Variants in AP1M1 observed in about 807,000 individuals in gnomAD.
AP1M1 encodes AP-1 complex subunit mu-1.
Under a neutral mutation model 57.1 loss-of-function variants are expected in AP1M1, and 18 were observed. That is an observed-to-expected ratio of 0.32 (90% CI 0.22 to 0.47). The LOEUF is 0.47. Among genes scored for constraint, AP1M1 ranks in the 20% least tolerant of loss-of-function variants. The pLI is 1.00. For missense variants in AP1M1, 362 were observed against 593.5 expected, an observed-to-expected ratio of 0.61 and a Z score of 4.05; for synonymous variants, 241 against 237.9, an observed-to-expected ratio of 1.01 and a Z score of -0.12.
At chr19:16,208,264 T>C in intron 4 of AP1M1, 115 bp downstream of exon 4, 2 of 1,196,490 alleles carry the variant, frequency 1.7e-6, no homozygotes, top group East Asian at 2.5e-5. Flanking sequence ...CCCACCTGCC[T>C]CCCACCTCCA....
At chr19:16,220,552 G>A (rs1240606795) in intron 5 of AP1M1, among the ~76,000 whole-genome samples, 1 of 152,176 alleles carries the variant, frequency 6.6e-6, no homozygotes, top group South Asian at 2.1e-4. Context: ...CACCACACCT[G>A]GGTAATTTTT....
intron 5 of AP1M1, among the ~76,000 whole-genome samples, chr19:16,218,148 C>T (rs1568351839): frequency 6.6e-6 from 1 of 152,246 alleles, no homozygotes; most frequent in Non-Finnish European, 1.5e-5. Context: ...TCTGAGCTGC[C>T]GCTCTGGGCG....
chr19:16,210,277 C>T (rs2091488264), intron 5 of AP1M1: 5 of 663,572 alleles, frequency 7.5e-6, no homozygotes, highest in East Asian at 5.5e-5. Context: ...GGTGGTTTTC[C>T]AATCTTTGGC....
At chr19:16,209,348 T>A in intron 5 of AP1M1, 171 bp downstream of exon 5, 1 of 695,100 alleles carries the variant, frequency 1.4e-6, no homozygotes. Flanking sequence ...CTTTTTTTTT[T>A]GAGACGGAAT....
intron 5 of AP1M1, among the ~76,000 whole-genome samples, chr19:16,223,789 TC>T (rs2145133506): frequency 6.6e-6 from 1 of 152,302 alleles, no homozygotes; most frequent in East Asian, 1.9e-4. Flanking sequence ...TCTTCAGTCT[TC>T]CGGCAGCTGC....
Position 16,244,649 on chromosome 19 carries a change from T to G in AP1M1, c.*10214T>G, listed in dbSNP as rs992529228. The G allele has an allele frequency of 6.6e-6, 1 of 151,738 alleles. No homozygotes were observed. Among genetic ancestry groups the G allele is most frequent in the Non-Finnish European group, 1.5e-5 (1 of 67,910 alleles). 9.4% of individuals were successfully genotyped at this position (151,738 alleles called of 1,614,324 possible). On this transcript the variant is annotated 3_prime_UTR_variant, in exon 12 of 12. Coordinates refer to ENST00000291439, the MANE Select transcript of AP1M1 (RefSeq NM_032493.4). The stretch of plus-strand genomic sequence containing the variant: ...ATCGAGACCATCCTGGCTAACACGG[T>G]GAAACCCCGTCTCTACTAAAAATAC...
intron 1 of AP1M1, 70 bp downstream of exon 1, chr19:16,198,138 C>T: frequency 1.9e-6 from 3 of 1,567,942 alleles, no homozygotes; most frequent in South Asian, 2.3e-5. Context: ...GGGACCCACC[C>T]TGTTGCTAGG....
Position 16,227,451 on chromosome 19 carries a change from G to A in AP1M1, c.674-97G>A. The A allele has an allele frequency of 7.1e-7, 1 of 1,413,792 alleles. No individual in the cohort carries two copies. Among genetic ancestry groups the A allele is most frequent in the Non-Finnish European group, 9.8e-7 (1 of 1,018,970 alleles). The allele number at this position is 1,413,792 out of a possible 1,614,324, so 87.6% of individuals were successfully genotyped here. A position where few individuals can be genotyped will look rare whatever the true frequency, so the allele number is the denominator to read the frequency against. ...GCTGCTCTCAGTGCGTGGACTGGGG[G>A]CCCTGCTCTGCCGGGGTGGGTTGCA... On this transcript the variant is annotated intron_variant, in intron 6 of 11. Coordinates refer to ENST00000291439, the MANE Select transcript of AP1M1 (RefSeq NM_032493.4). The surrounding 1 kb of genome is among the most constrained non-coding windows in gnomAD (Gnocchi z 6.2).
In AP1M1 at chr19:16,235,494, G is replaced by C. The variant is rs531064715; in HGVS notation, c.*1059G>C. ...GCTGAAACACAGGAAAAGCAGCTGC[G>C]GGAAGAGGCAGCTGCAGTGCTGGAC... On this transcript the variant is annotated 3_prime_UTR_variant, in exon 12 of 12. Coordinates refer to ENST00000291439, the MANE Select transcript of AP1M1 (RefSeq NM_032493.4). The C allele has an allele frequency of 6.6e-6, 1 of 152,184 alleles. No individual in the cohort carries two copies. The highest frequency in any genetic ancestry group is 2.4e-5 in the African/African-American group (1 of 41,436). 9.4% of individuals were successfully genotyped at this position (152,184 alleles called of 1,614,324 possible).
intron 9 of AP1M1, 115 bp from the exon 10 acceptor site, chr19:16,233,378 C>T (rs1361735318): frequency 1.0e-5 from 14 of 1,379,370 alleles, no homozygotes; most frequent in African/African-American, 5.8e-5. Context: ...GGCTCATGCT[C>T]CCCTCCCTGG....
chr19:16,223,241 C>T (rs1048920427), intron 5 of AP1M1, among the ~76,000 whole-genome samples: 3 of 152,168 alleles, frequency 2.0e-5, no homozygotes, highest in Non-Finnish European at 4.4e-5. Flanking sequence ...ATCTCCTGGG[C>T]GTGCACTGCC....
intron 1 of AP1M1, 41 bp downstream of exon 1, chr19:16,198,109 G>T (rs1209389100): frequency 1.3e-6 from 2 of 1,587,322 alleles, no homozygotes; most frequent in African/African-American, 1.4e-5. Context: ...CAGGCAACCG[G>T]CAGGGGCCTC....
chr19:16,238,197 C>T lies in AP1M1; in HGVS notation c.*3762C>T, dbSNP rs951677777. 2.0e-5 allele frequency: 3 copies of T among 152,204 alleles called. No homozygotes were observed. The highest frequency in any genetic ancestry group is 6.5e-5 in the Admixed American group (1 of 15,272). The allele number at this position is 152,204 out of a possible 1,614,324, so 9.4% of individuals were successfully genotyped here. On this transcript the variant is annotated 3_prime_UTR_variant, in exon 12 of 12. Transcript: ENST00000291439. ...TGACTGTGGGAAAGTTGAGAACATC[C>T]TCCCTGAAGTCATCTTTATGCCAGA...
intron 6 of AP1M1, chr19:16,226,754 C>A (rs928246679): frequency 7.7e-6 from 5 of 647,490 alleles, no homozygotes; most frequent in African/African-American, 7.3e-5. Flanking sequence ...ATCCTCCAGT[C>A]CAGCTGGGAG....
chr19:16,234,920 A>G lies in AP1M1; in HGVS notation c.*485A>G, dbSNP rs1242333017. Reference sequence around the variant, plus strand: ...TTGTGCATTCGTTGCTGTTTGTGTTACCCTCACTGTCCCCATGTCCCACCC... The same window carrying G: ...TTGTGCATTCGTTGCTGTTTGTGTTGCCCTCACTGTCCCCATGTCCCACCC... On this transcript the variant is annotated 3_prime_UTR_variant, in exon 12 of 12. Transcript: ENST00000291439. The G allele has an allele frequency of 5.7e-6, 1 of 176,688 alleles. No homozygotes were observed. Among genetic ancestry groups the G allele is most frequent in the Non-Finnish European group, 1.2e-5 (1 of 82,654 alleles). 10.9% of individuals were successfully genotyped at this position (176,688 alleles called of 1,614,324 possible).
intron 5 of AP1M1, among the ~76,000 whole-genome samples, chr19:16,224,678 G>A (rs567943952): frequency 1.1e-4 from 17 of 152,340 alleles, no homozygotes; most frequent in African/African-American, 3.6e-4. Context: ...GCCTGCTCTC[G>A]CGGCATTCAC....
chr19:16,203,231 G>A lies in AP1M1; in HGVS notation c.43-228G>A, dbSNP rs750091423. On this transcript the variant is annotated intron_variant, in intron 1 of 11. Transcript: ENST00000291439. This position sits in a 1 kb window ranked among gnomAD's most constrained non-coding sequence, Gnocchi z 4.6. The stretch of plus-strand genomic sequence containing the variant: ...GAGTTCGCCTCTACCCTCACCCTGC[G>A]AAGAACTGCAGTGGCCCCTGTGGGC... 2.8e-5 allele frequency: 16 copies of A among 569,216 alleles called. No individual in the cohort carries two copies. The highest frequency in any genetic ancestry group is 4.7e-4 in the Middle Eastern group (1 of 2,124). 35.3% of individuals were successfully genotyped at this position (569,216 alleles called of 1,614,324 possible).
intron 5 of AP1M1, among the ~76,000 whole-genome samples, chr19:16,222,754 C>T (rs1426372568): frequency 6.0e-5 from 9 of 150,838 alleles, no homozygotes; most frequent in East Asian, 3.9e-4. Context: ...ACCACAGGCA[C>T]GCACCACCAT....
In AP1M1 at chr19:16,243,775, C is replaced by T. The variant is rs557958942; in HGVS notation, c.*9340C>T. 1 of 152,062 alleles carries T rather than the reference C, an allele frequency of 6.6e-6. No homozygotes were observed. Among genetic ancestry groups the T allele is most frequent in the African/African-American group, 2.4e-5 (1 of 41,496 alleles). 9.4% of individuals were successfully genotyped at this position (152,062 alleles called of 1,614,324 possible). On this transcript the variant is annotated 3_prime_UTR_variant, in exon 12 of 12. Coordinates refer to ENST00000291439, the MANE Select transcript of AP1M1 (RefSeq NM_032493.4). ...TGGCCAACATGGCGAAAATCCATCTCTACTAAAAATACAAAAATTAACCAG... is the reference window on the plus strand; with the variant it reads ...TGGCCAACATGGCGAAAATCCATCTTTACTAAAAATACAAAAATTAACCAG...
Sources: gnomAD v4.1 joint callset for allele counts (sites outside exome capture counted in the v4.1 genomes callset) on GRCh38, gnomAD v4.1.1 for gene constraint, Gnocchi (gnomAD v3.1) non-coding constraint, MANE v1.5 for transcripts, NCBI Gene and HGNC (gene_info 2026-07-23, HGNC 2026-07-21) for gene names.